Variants in GATAD2A observed in about 807,000 individuals in gnomAD.
GATAD2A encodes the protein GATA zinc finger domain containing 2A.
In GATAD2A, 12 loss-of-function variants were observed where a neutral mutation model predicts 68.5. The observed-to-expected ratio is 0.18, with a 90% CI of 0.11 to 0.28. GATAD2A has a LOEUF of 0.28. Among genes scored for constraint, GATAD2A ranks in the 10% least tolerant of loss-of-function variants. The pLI is 1.00. For synonymous variants in GATAD2A, 410 were observed against 375.3 expected, an observed-to-expected ratio of 1.09 and a Z score of -1.07; for missense variants, 755 against 868.5, an observed-to-expected ratio of 0.87 and a Z score of 1.64.
At chr19:19,501,091 C>T (rs757358394) in intron 8 of GATAD2A, 27 bp from the exon 9 acceptor site, 11 of 1,593,492 alleles carry the variant, frequency 6.9e-6, no homozygotes, top group South Asian at 2.2e-5. Context: ...GGCCCTCTGA[C>T]GTGAGCCATG....
At chr19:19,443,254 G>T (rs1349924180) in intron 1 of GATAD2A, among the ~76,000 whole-genome samples, 2 of 152,110 alleles carry the variant, frequency 1.3e-5, no homozygotes, top group African/African-American at 4.8e-5. Context: ...CCCCCAAGGA[G>T]AGTGTCCTGT....
chr19:19,502,594 A>C, intron 11 of GATAD2A, 68 bp downstream of exon 11: 1 of 1,237,546 alleles, frequency 8.1e-7, no homozygotes, highest in Non-Finnish European at 1.1e-6. Context: ...CTTAACCGAA[A>C]CAGAGGCACA....
At chr19:19,434,812 A>G (rs1048959367) in intron 1 of GATAD2A, among the ~76,000 whole-genome samples, 3 of 152,234 alleles carry the variant, frequency 2.0e-5, no homozygotes, top group African/African-American at 7.2e-5. Flanking sequence ...TCTGTAAGAC[A>G]GGCAGCCTCT....
intron 1 of GATAD2A, among the ~76,000 whole-genome samples, chr19:19,430,976 G>GGT (rs71170687): frequency 0.17 from 23,134 of 136,392 alleles, 1,812 homozygotes; most frequent in Admixed American, 0.2. Context: ...GTATGGTAGG[G>GGT]GTGTGTGTGT....
chr19:19,503,472 G>A (rs1320928511), intron 11 of GATAD2A, among the ~76,000 whole-genome samples: 1 of 152,248 alleles, frequency 6.6e-6, no homozygotes, highest in African/African-American at 2.4e-5. Context: ...GGACAGTTGA[G>A]TGTGTTTGTC....
At chr19:19,434,239 G>A (rs1478698728) in intron 1 of GATAD2A, among the ~76,000 whole-genome samples, 1 of 152,174 alleles carries the variant, frequency 6.6e-6, no homozygotes, top group Admixed American at 6.5e-5. Flanking sequence ...TCCTGCAGCA[G>A]AACAGCACAG....
At chr19:19,462,089 T>G (rs928273200) in intron 1 of GATAD2A, among the ~76,000 whole-genome samples, 1 of 152,240 alleles carries the variant, frequency 6.6e-6, no homozygotes, top group East Asian at 1.9e-4. Flanking sequence ...CCTCTTCACC[T>G]ACTTTTAGGA....
At chr19:19,497,177 C>T (rs924548441) in intron 7 of GATAD2A, among the ~76,000 whole-genome samples, 3 of 152,240 alleles carry the variant, frequency 2.0e-5, no homozygotes, top group Non-Finnish European at 2.9e-5. Flanking sequence ...TCTTGGCTCA[C>T]TGCAACCTCC....
rs1232468560 is a variant in GATAD2A at position 19,495,856 on chromosome 19, G to A, written c.727G>A (p.Val243Ile). The change falls in exon 6 of 12, where the codon GTC (valine) becomes ATC (isoleucine). Residue 243 changes from valine to isoleucine, a missense_variant. By Grantham distance (29) the Val-to-Ile change is conservative. Coordinates refer to ENST00000683918, the MANE Select transcript of GATAD2A (RefSeq NM_001384528.1). ...GGGGCCACAGGCGAGCTCACAGGTC[G>A]TCATGCCCCCACTCGTCAGGGGGGC... Reference protein sequence around the residue: ...KLGPQASSQVVMPPLVRGAQQ... With the variant: ...KLGPQASSQVIMPPLVRGAQQ... 30 of 1,613,280 alleles carry A rather than the reference G, an allele frequency of 1.9e-5. No individual in the cohort carries two copies. Among genetic ancestry groups the A allele is most frequent in the Non-Finnish European group, 2.4e-5 (28 of 1,179,702 alleles).
chr19:19,410,830 T>C (rs1331623709), intron 1 of GATAD2A, among the ~76,000 whole-genome samples: 6 of 152,232 alleles, frequency 3.9e-5, no homozygotes, highest in African/African-American at 1.4e-4. Flanking sequence ...AAAGACCTTG[T>C]TGAACATCAC....
chr19:19,507,955 G>C lies in GATAD2A; in HGVS notation c.*2481G>C, dbSNP rs1902598422. 1 of 152,198 alleles carries C rather than the reference G, an allele frequency of 6.6e-6. No individual in the cohort carries two copies. Among genetic ancestry groups the C allele is most frequent in the Non-Finnish European group, 1.5e-5 (1 of 68,060 alleles). 9.4% of individuals were successfully genotyped at this position (152,198 alleles called of 1,614,324 possible). A position where few individuals can be genotyped will look rare whatever the true frequency, so the allele number is the denominator to read the frequency against. On this transcript the variant is annotated 3_prime_UTR_variant, in exon 12 of 12. Transcript: ENST00000683918. Reference sequence around the variant, plus strand: ...TTATTAAGTACCTCTCTGGGTGTGGGGTTTGGACGCACCAGGATAGCTATT... The same window carrying C: ...TTATTAAGTACCTCTCTGGGTGTGGCGTTTGGACGCACCAGGATAGCTATT...
At chr19:19,437,014 GAGGTTTCAGCTCTTCA>G (rs1272276187) in intron 1 of GATAD2A, among the ~76,000 whole-genome samples, 1 of 152,220 alleles carries the variant, frequency 6.6e-6, no homozygotes, top group Non-Finnish European at 1.5e-5. Flanking sequence ...TCAGTTTTGT[GAGGTTTCAGCTCTTCA>G]TATGGCAAGA....
chr19:19,430,338 A>T (rs113702251), intron 1 of GATAD2A, among the ~76,000 whole-genome samples: 5,633 of 152,136 alleles, frequency 0.037, 145 homozygotes, highest in Middle Eastern at 0.085. Context: ...TTCTTTCCAG[A>T]TTGAGCTGGG....
intron 1 of GATAD2A, among the ~76,000 whole-genome samples, chr19:19,461,601 G>C (rs1026991017): frequency 1.3e-5 from 2 of 152,256 alleles, no homozygotes; most frequent in Non-Finnish European, 2.9e-5. Flanking sequence ...GAGCTGCGCT[G>C]TACCTGTGTG....
chr19:19,502,665 T>TC, intron 11 of GATAD2A, 139 bp downstream of exon 11: 1 of 660,744 alleles, frequency 1.5e-6, no homozygotes, highest in Non-Finnish European at 2.6e-6. Context: ...ACTCTGGCTT[T>TC]CCCTCTTGCC....
rs568715148 is a variant in GATAD2A, at chr19:19,449,963, G to GT, written c.-6-15370dup. Among the ~76,000 whole-genome samples, 574 of 151,292 alleles carry GT rather than the reference G, an allele frequency of 3.8e-3. 7 individuals carry two copies. Among genetic ancestry groups the GT allele is most frequent in the African/African-American group, 0.014 (558 of 41,136 alleles). ...TTATTTATTTATCTTATATTAAAAGGTTTTTTTGTAGAGTCAGGGTCTTGC... is the reference window on the plus strand; with the variant it reads ...TTATTTATTTATCTTATATTAAAAGGTTTTTTTTGTAGAGTCAGGGTCTTGC... On this transcript the variant is annotated intron_variant, in intron 1 of 11. Coordinates refer to ENST00000683918, the MANE Select transcript of GATAD2A (RefSeq NM_001384528.1).
At chr19:19,406,175 A>G (rs1474874216) in intron 1 of GATAD2A, among the ~76,000 whole-genome samples, 156 bp downstream of exon 1, 1 of 151,440 alleles carries the variant, frequency 6.6e-6, no homozygotes, top group African/African-American at 2.4e-5. Context: ...TACTCCTTGT[A>G]TTCTGGGAGC....
Position 19,496,066 on chromosome 19 carries a change from T to G in GATAD2A, c.771T>G (p.Ile257Met). ...TACCCCAACAGCAAATCCACAGCATTAGGCAACATTCCAGCACAGGGCCAC... is the reference window on the plus strand; with the variant it reads ...TACCCCAACAGCAAATCCACAGCATGAGGCAACATTCCAGCACAGGGCCAC... ...LVRGAQQIHS[I>M]RQHSSTGPPP... Residue 257 changes from isoleucine (I) to methionine (M), a missense_variant, in exon 7 of 12, where the codon ATT (isoleucine) becomes ATG (methionine). Coordinates refer to ENST00000683918, the MANE Select transcript of GATAD2A (RefSeq NM_001384528.1). 1 of 1,613,866 alleles carries G rather than the reference T, an allele frequency of 6.2e-7. No individual in the cohort carries two copies. The highest frequency in any genetic ancestry group is 8.5e-7 in the Non-Finnish European group (1 of 1,179,912).
chr19:19,494,498 C>A, intron 5 of GATAD2A, 115 bp downstream of exon 5: 1 of 639,528 alleles, frequency 1.6e-6, no homozygotes, highest in Non-Finnish European at 2.8e-6. Context: ...GTTGCGCTTT[C>A]CTTCTGAGTA....
Sources: gnomAD v4.1 joint callset for allele counts (sites outside exome capture counted in the v4.1 genomes callset) on GRCh38, gnomAD v4.1.1 for gene constraint, MANE v1.5 for transcripts, NCBI Gene and HGNC (gene_info 2026-07-23, HGNC 2026-07-21) for gene names.